Variants in ASCC1 observed in about 807,000 individuals in gnomAD.
ASCC1 encodes activating signal cointegrator 1 complex subunit 1, also known as ASC-1 complex subunit P50.
Under a neutral mutation model 46.6 loss-of-function variants are expected in ASCC1, and 35 were observed. That is an observed-to-expected ratio of 0.75 (90% CI 0.57 to 0.99). ASCC1 has a LOEUF of 0.99. ASCC1 is among the 50% of genes least tolerant of loss of function. The pLI is 0.00. For missense variants in ASCC1, 376 were observed against 428.7 expected, an observed-to-expected ratio of 0.88 and a Z score of 1.09; for synonymous variants, 143 against 146.6, an observed-to-expected ratio of 0.98 and a Z score of 0.18.
Position 72,144,234 on chromosome 10 carries a change from C to A in ASCC1, c.746+8635G>T, listed in dbSNP as rs559557030. Among the ~76,000 whole-genome samples, 176 of 152,282 alleles carry A rather than the reference C, an allele frequency of 1.2e-3. 1 individual carries two copies. Among genetic ancestry groups the A allele is most frequent in the African/African-American group, 3.9e-3 (160 of 41,554 alleles). On this transcript the variant is annotated intron_variant, in intron 7 of 9. Transcript: ENST00000672957. ...TCATGATCCACCCGCCTCGGCCTCCCAAAGCGCTGGGATTACAGGCGTGAG... is the reference window on the plus strand; with the variant it reads ...TCATGATCCACCCGCCTCGGCCTCCAAAAGCGCTGGGATTACAGGCGTGAG...
At chr10:72,124,997 C>T (rs760627298) in intron 9 of ASCC1, among the ~76,000 whole-genome samples, 1 of 152,112 alleles carries the variant, frequency 6.6e-6, no homozygotes, top group South Asian at 2.1e-4. Context: ...TAACCAGACA[C>T]TAGTATATTA....
At chr10:72,110,841 A>G (rs539264932) in intron 9 of ASCC1, among the ~76,000 whole-genome samples, 13 of 152,344 alleles carry the variant, frequency 8.5e-5, no homozygotes, top group African/African-American at 3.1e-4. Flanking sequence ...AAGAGTACAC[A>G]TGCATATAAA....
At chr10:72,215,522 A>C (rs1009916639) in intron 1 of ASCC1, among the ~76,000 whole-genome samples, 1 of 152,222 alleles carries the variant, frequency 6.6e-6, no homozygotes, top group African/African-American at 2.4e-5. Flanking sequence ...CATCATTAGC[A>C]ATACTCGATG....
chr10:72,124,248 A>G (rs953604144), intron 9 of ASCC1, among the ~76,000 whole-genome samples: 7 of 152,244 alleles, frequency 4.6e-5, no homozygotes, highest in Non-Finnish European at 7.3e-5. Context: ...ATTCTTATAT[A>G]TAAAATAGAA....
intron 8 of ASCC1, among the ~76,000 whole-genome samples, chr10:72,131,873 ATTTTTT>A (rs914278355): frequency 8.7e-6 from 1 of 114,958 alleles, no homozygotes; most frequent in Non-Finnish European, 1.8e-5. Context: ...CTCTAGATAG[ATTTTTT>A]TTTTTTTTTT....
chr10:72,122,739 CT>C (rs1844359224), intron 9 of ASCC1, among the ~76,000 whole-genome samples: 1 of 152,142 alleles, frequency 6.6e-6, no homozygotes, highest in Non-Finnish European at 1.5e-5. Context: ...GATTGTGCCA[CT>C]GCACTCCAGC....
intron 7 of ASCC1, among the ~76,000 whole-genome samples, chr10:72,143,658 C>A (rs1847293205): frequency 6.8e-6 from 1 of 148,144 alleles, no homozygotes; most frequent in Non-Finnish European, 1.5e-5. Flanking sequence ...GTTCCATGTG[C>A]CTGAAAAGAA....
intron 5 of ASCC1, among the ~76,000 whole-genome samples, chr10:72,190,958 T>C (rs1854358880): frequency 7.3e-6 from 1 of 136,532 alleles, no homozygotes; most frequent in Non-Finnish European, 1.5e-5. Context: ...ATCGCGCCAT[T>C]GCACTCCAGC....
At chr10:72,104,523 G>A (rs1564575047) in intron 9 of ASCC1, among the ~76,000 whole-genome samples, 1 of 152,140 alleles carries the variant, frequency 6.6e-6, no homozygotes, top group Non-Finnish European at 1.5e-5. Context: ...AGAACAAAGT[G>A]TTGTATTGTT....
At chr10:72,185,404 A>G (rs1416366281) in intron 5 of ASCC1, among the ~76,000 whole-genome samples, 3 of 152,220 alleles carry the variant, frequency 2.0e-5, no homozygotes, top group African/African-American at 7.2e-5. Flanking sequence ...CCAGCTATAA[A>G]CAATCCAAAC....
chr10:72,156,635 G>T (rs1170408030), intron 6 of ASCC1, among the ~76,000 whole-genome samples: 1 of 152,118 alleles, frequency 6.6e-6, no homozygotes, highest in Non-Finnish European at 1.5e-5. Context: ...AGCCGGGCGT[G>T]GTGGCGGGCG....
chr10:72,211,209 T>C (rs1441176140), intron 2 of ASCC1, among the ~76,000 whole-genome samples: 1 of 152,194 alleles, frequency 6.6e-6, no homozygotes, highest in African/African-American at 2.4e-5. Context: ...CACATTCACA[T>C]CACTTTTATT....
At chr10:72,131,433 TAA>T in intron 8 of ASCC1, among the ~76,000 whole-genome samples, 1 of 64,354 alleles carries the variant, frequency 1.6e-5, no homozygotes, top group South Asian at 6.1e-4. Context: ...AAAAATAAAA[TAA>T]AAATACACAC....
intron 9 of ASCC1, among the ~76,000 whole-genome samples, chr10:72,101,495 C>CA (rs1385741508): frequency 6.6e-6 from 1 of 151,868 alleles, no homozygotes; most frequent in Non-Finnish European, 1.5e-5. Context: ...GGGAGGGCAG[C>CA]ATGAAGGCAG....
At chr10:72,153,443 T>G (rs1437175257) in intron 6 of ASCC1, among the ~76,000 whole-genome samples, 1 of 145,756 alleles carries the variant, frequency 6.9e-6, no homozygotes, top group African/African-American at 2.8e-5. Flanking sequence ...TTTGTTTTGT[T>G]TTGAGACGGA....
At chr10:72,169,904 G>C (rs1688727562) in intron 5 of ASCC1, among the ~76,000 whole-genome samples, 1 of 152,182 alleles carries the variant, frequency 6.6e-6, no homozygotes, top group African/African-American at 2.4e-5. Flanking sequence ...CGGATCACCT[G>C]AGATCAGGAG....
chr10:72,139,486 T>C (rs954486667), intron 7 of ASCC1, among the ~76,000 whole-genome samples: 6 of 152,186 alleles, frequency 3.9e-5, no homozygotes, highest in African/African-American at 1.2e-4. Flanking sequence ...TCACAAAGCT[T>C]CTCTATGCCT....
At position 72,210,826 on chromosome 10, in the gene ASCC1, T is replaced by C. The variant is rs544386065; in HGVS notation, c.118A>G (p.Met40Val). 3 of 1,613,846 alleles carry C rather than the reference T, an allele frequency of 1.9e-6. No individual in the cohort carries two copies. Among genetic ancestry groups the C allele is most frequent in the Admixed American group, 1.7e-5 (1 of 59,974 alleles). The part of the protein sequence containing the change: ...EDEEDFYQGS[M>V]ECADEPCDAY... ...TCACAGGGCTCATCAGCACACTCCA[T>C]GGAGCCTGCACAGAAACCATCACAT... is the stretch of plus-strand genomic sequence containing the variant. The change falls in exon 3 of 10, where the codon ATG becomes GTG. Residue 40 changes from methionine (M) to valine (V), a missense_variant. Met to Val is a conservative substitution (Grantham distance 21). Transcript: ENST00000672957.
intron 5 of ASCC1, among the ~76,000 whole-genome samples, chr10:72,165,328 C>T (rs1368618741): frequency 1.3e-5 from 2 of 152,160 alleles, no homozygotes; most frequent in Non-Finnish European, 2.9e-5. Context: ...GTTGGTCAGG[C>T]TGGTCCCAAA....
Sources: gnomAD v4.1 joint callset for allele counts (sites outside exome capture counted in the v4.1 genomes callset) on GRCh38, gnomAD v4.1.1 for gene constraint, MANE v1.5 for transcripts, NCBI Gene and HGNC (gene_info 2026-07-23, HGNC 2026-07-21) for gene names.